Variants in DDAH1 observed in about 807,000 individuals in gnomAD.
The protein encoded by DDAH1 is dimethylarginine dimethylaminohydrolase 1.
DDAH1 carries 19 observed loss-of-function variants against 28.8 expected under a neutral mutation model. The ratio of observed to expected loss-of-function variants is 0.66; its 90% CI spans 0.46 to 0.97. DDAH1 has a LOEUF of 0.97. Among genes scored for constraint, DDAH1 ranks in the 50% least tolerant of loss-of-function variants. The pLI is 0.00. For synonymous variants in DDAH1, 153 were observed against 154.4 expected, an observed-to-expected ratio of 0.99 and a Z score of 0.07; for missense variants, 326 against 375.9, an observed-to-expected ratio of 0.87 and a Z score of 1.10.
At chr1:85,521,240 T>G (rs1392752715) in intron 1 of DDAH1, among the ~76,000 whole-genome samples, 3 of 151,522 alleles carry the variant, frequency 2.0e-5, no homozygotes, top group Non-Finnish European at 4.4e-5. Context: ...AACCACTGAT[T>G]GGAAACTTGA....
intron 1 of DDAH1, among the ~76,000 whole-genome samples, chr1:85,550,292 C>A (rs182379148): frequency 6.6e-6 from 1 of 152,150 alleles, no homozygotes; most frequent in African/African-American, 2.4e-5. Context: ...TCAATCTATA[C>A]CAAATCTGTG....
chr1:85,374,154 C>CT (rs1201313375), intron 1 of DDAH1, among the ~76,000 whole-genome samples: 2 of 152,068 alleles, frequency 1.3e-5, no homozygotes, highest in East Asian at 3.9e-4. Context: ...TTACCAGAGT[C>CT]TTTTTTGCTT....
rs1489798978 is a variant in DDAH1 at position 85,464,429 on chromosome 1, T to A, written c.303+314A>T. Reference sequence around the variant, plus strand: ...CCCTGGGAAACACTCAGAGTTGCACTGTCGTCGCTGCCGTTTAATTTTCAC... The same window carrying A: ...CCCTGGGAAACACTCAGAGTTGCACAGTCGTCGCTGCCGTTTAATTTTCAC... On this transcript the variant is annotated intron_variant, in intron 1 of 5. Coordinates refer to ENST00000284031, the MANE Select transcript of DDAH1 (RefSeq NM_012137.4). This position sits in a 1 kb window ranked among gnomAD's most constrained non-coding sequence, Gnocchi z 4.4. 5.0e-6 allele frequency: 7 copies of A among 1,403,978 alleles called. No individual in the cohort carries two copies. The African/African-American group carries it at 1.0e-4, about 20-fold the overall frequency. The allele number at this position is 1,403,978 out of a possible 1,614,324, so 87.0% of individuals were successfully genotyped here.
intron 1 of DDAH1, 43 bp from the exon 2 acceptor site, chr1:85,358,890 C>T: frequency 6.9e-7 from 1 of 1,454,986 alleles, no homozygotes. Context: ...CTACAATTTC[C>T]TAACAAGAAA....
intron 2 of DDAH1, among the ~76,000 whole-genome samples, chr1:85,479,299 G>A (rs72960748): frequency 0.039 from 5,760 of 148,724 alleles, 163 homozygotes; most frequent in African/African-American, 0.083. Flanking sequence ...TCAGCCTCCC[G>A]AGTAGCTGGG....
At chr1:85,502,001 A>T (rs1656838584) in intron 1 of DDAH1, among the ~76,000 whole-genome samples, 1 of 152,130 alleles carries the variant, frequency 6.6e-6, no homozygotes, top group African/African-American at 2.4e-5. Context: ...CCATGCCTAA[A>T]TTATATTCAT....
At chr1:85,465,778 A>AC (rs1655358752), upstream of DDAH1, among the ~76,000 whole-genome samples, 1 of 151,070 alleles carries the variant, frequency 6.6e-6, no homozygotes, top group African/African-American at 2.4e-5. Context: ...CCCACCCTAA[A>AC]CCCCCTCCAG....
intron 1 of DDAH1, among the ~76,000 whole-genome samples, chr1:85,538,584 C>T (rs868457008): frequency 2.8e-4 from 42 of 151,960 alleles, no homozygotes; most frequent in Middle Eastern, 3.4e-3. Context: ...TTCCTCAGAT[C>T]GCCTGTGCTG....
intron 2 of DDAH1, chr1:85,493,855 T>C (rs1383455613): frequency 6.6e-6 from 1 of 152,238 alleles, no homozygotes; most frequent in African/African-American, 2.4e-5. Flanking sequence ...ACGCATCTAA[T>C]AAATTAAAAT....
At chr1:85,496,535 CAT>C (rs1354589720) in intron 1 of DDAH1, among the ~76,000 whole-genome samples, 2 of 152,206 alleles carry the variant, frequency 1.3e-5, no homozygotes, top group Non-Finnish European at 2.9e-5. Flanking sequence ...ATGTTCTGTA[CAT>C]AGAGTCGGTA....
chr1:85,327,792 A>G (rs528745590), intron 4 of DDAH1, among the ~76,000 whole-genome samples: 7 of 152,264 alleles, frequency 4.6e-5, no homozygotes, highest in Non-Finnish European at 1.0e-4. Flanking sequence ...ACCCCAAAAC[A>G]GATAATGTAC....
At chr1:85,478,430 G>A (rs1557675340) in intron 2 of DDAH1, among the ~76,000 whole-genome samples, 1 of 152,216 alleles carries the variant, frequency 6.6e-6, no homozygotes. Context: ...TGGCTGAGGA[G>A]GCCTCACAAT....
chr1:85,462,488 C>T (rs1224129897), intron 1 of DDAH1, among the ~76,000 whole-genome samples: 1 of 152,122 alleles, frequency 6.6e-6, no homozygotes, highest in African/African-American at 2.4e-5. Context: ...AAAATAATTC[C>T]TTGGCTACTG....
rs1039081119 is a variant in DDAH1, at chr1:85,318,932, A to C, written c.*2520T>G. On this transcript the variant is annotated 3_prime_UTR_variant, in exon 6 of 6. Coordinates refer to ENST00000284031, the MANE Select transcript of DDAH1 (RefSeq NM_012137.4). ...TAATGCTAAATAATGTATTTTCTCT[A>C]TATCATCCTTTAACTAAATTGAATC... 1 of 152,228 alleles carries C rather than the reference A, an allele frequency of 6.6e-6. No homozygotes were observed. Among genetic ancestry groups the C allele is most frequent in the Non-Finnish European group, 1.5e-5 (1 of 68,048 alleles). 9.4% of individuals were successfully genotyped at this position (152,228 alleles called of 1,614,324 possible).
At chr1:85,355,094 C>T (rs1487107891) in intron 2 of DDAH1, among the ~76,000 whole-genome samples, 1 of 152,020 alleles carries the variant, frequency 6.6e-6, no homozygotes, top group Non-Finnish European at 1.5e-5. Flanking sequence ...TGCTGTGAAG[C>T]TTAAACAGAT....
At chr1:85,522,655 T>C (rs548692461) in intron 1 of DDAH1, among the ~76,000 whole-genome samples, 1 of 152,254 alleles carries the variant, frequency 6.6e-6, no homozygotes, top group African/African-American at 2.4e-5. Flanking sequence ...TTTTCAGGCT[T>C]ACTTTTTTTT....
chr1:85,476,712 G>T (rs1426049817), intron 2 of DDAH1, among the ~76,000 whole-genome samples: 3 of 152,114 alleles, frequency 2.0e-5, no homozygotes, highest in African/African-American at 7.2e-5. Flanking sequence ...CCCATCAAAG[G>T]GAGGGGAACA....
At position 85,321,460 on chromosome 1, in the gene DDAH1, C is replaced by T. The variant is rs757951951; in HGVS notation, c.850G>A (p.Asp284Asn). The T allele has an allele frequency of 2.5e-6, 4 of 1,612,808 alleles. No homozygotes were observed. The Admixed American group carries it at 6.7e-5, about 27-fold the overall frequency. The change falls in exon 6 of 6, where the codon GAC becomes AAC. Residue 284 changes from aspartate (D) to asparagine (N), a missense_variant. Transcript: ENST00000284031. Reference protein sequence around the residue: ...CCSVLINKKVDS With the variant: ...CCSVLINKKVNS The stretch of plus-strand genomic sequence containing the variant: ...GGGGGGGACTCTGCAGCTCAGGAGT[C>T]TACTTTCTTGTTAATTAAAACTGAG...
intron 1 of DDAH1, among the ~76,000 whole-genome samples, chr1:85,559,883 T>C (rs1022581673): frequency 6.6e-6 from 1 of 151,588 alleles, no homozygotes; most frequent in Non-Finnish European, 1.5e-5. Context: ...CTTGTCCACA[T>C]GGAGAGAAGT....
Sources: allele counts gnomAD v4.1 joint callset (sites outside exome capture counted in the v4.1 genomes callset), GRCh38; gene constraint gnomAD v4.1.1; non-coding constraint Gnocchi (gnomAD v3.1); transcripts MANE v1.5; gene names NCBI Gene and HGNC (gene_info 2026-07-23, HGNC 2026-07-21).